Variants in MYT1L observed in about 807,000 individuals in gnomAD.
MYT1L encodes the protein myelin transcription factor 1 like.
In MYT1L, 12 loss-of-function variants were observed where a neutral mutation model predicts 126.7. That is an observed-to-expected ratio of 0.09 (90% CI 0.06 to 0.15). The LOEUF (loss-of-function observed/expected upper bound fraction) is 0.15. Among genes scored for constraint, MYT1L ranks in the 10% least tolerant of loss-of-function variants. The probability of loss-of-function intolerance (pLI) is 1.00; values close to 1 mark genes in which losing one functional copy is unlikely to be tolerated. For synonymous variants in MYT1L, 541 were observed against 604.2 expected, an observed-to-expected ratio of 0.90 and a Z score of 1.53; for missense variants, 979 against 1,585.2, an observed-to-expected ratio of 0.62 and a Z score of 6.49.
intron 1 of MYT1L, among the ~76,000 whole-genome samples, chr2:2,296,612 G>T (rs2095697944): frequency 6.6e-6 from 1 of 152,028 alleles, no homozygotes; most frequent in African/African-American, 2.4e-5. Flanking sequence ...GAAGAGAGAG[G>T]GGGAGTGAGA....
intron 1 of MYT1L, among the ~76,000 whole-genome samples, chr2:2,310,233 A>G (rs745981020): frequency 1.3e-5 from 2 of 151,960 alleles, no homozygotes; most frequent in Non-Finnish European, 2.9e-5. Flanking sequence ...GTTACATTTC[A>G]GCATACTCTA....
At chr2:2,176,583 C>T (rs993478053) in intron 2 of MYT1L, among the ~76,000 whole-genome samples, 1 of 151,664 alleles carries the variant, frequency 6.6e-6, no homozygotes, top group Non-Finnish European at 1.5e-5. Context: ...ACTGCAAGCT[C>T]CACCTCCTGT....
At chr2:2,289,275 A>C (rs1231618125) in intron 1 of MYT1L, among the ~76,000 whole-genome samples, 1 of 152,104 alleles carries the variant, frequency 6.6e-6, no homozygotes, top group Non-Finnish European at 1.5e-5. Flanking sequence ...GTTGGCCAAA[A>C]AGCTTTCTTT....
intron 4 of MYT1L, among the ~76,000 whole-genome samples, chr2:2,032,524 T>G (rs1313112677): frequency 2.1e-5 from 3 of 142,592 alleles, no homozygotes; most frequent in African/African-American, 7.9e-5. Context: ...GAGAAGATTC[T>G]AGAAGGAGGG....
At chr2:2,155,604 T>C (rs1415921760) in intron 3 of MYT1L, among the ~76,000 whole-genome samples, 1 of 152,154 alleles carries the variant, frequency 6.6e-6, no homozygotes, top group East Asian at 1.9e-4. Context: ...TTTAAAACCC[T>C]CAATCTCCCC....
intron 23 of MYT1L, among the ~76,000 whole-genome samples, chr2:1,796,452 A>C (rs2033525683): frequency 6.6e-6 from 1 of 152,186 alleles, no homozygotes; most frequent in Non-Finnish European, 1.5e-5. Flanking sequence ...CAGGGAGAAC[A>C]GCCATCTTCT....
At chr2:2,018,729 G>T (rs1333483881) in intron 4 of MYT1L, among the ~76,000 whole-genome samples, 6 of 152,190 alleles carry the variant, frequency 3.9e-5, no homozygotes, top group Non-Finnish European at 8.8e-5. Context: ...TTGGTCAATG[G>T]ATTCTCCTGT....
At chr2:2,298,884 C>T (rs1347793457) in intron 1 of MYT1L, among the ~76,000 whole-genome samples, 3 of 152,084 alleles carry the variant, frequency 2.0e-5, no homozygotes, top group South Asian at 2.1e-4. Flanking sequence ...GACAGTGTCT[C>T]GCTGTGTCCC....
intron 2 of MYT1L, among the ~76,000 whole-genome samples, chr2:2,190,371 C>G (rs2092512859): frequency 6.6e-6 from 1 of 151,930 alleles, no homozygotes. Context: ...AGGAGGATCA[C>G]TTGAGCCTGG....
Position 1,797,838 on chromosome 2 carries a change from TCCTGCATCCGGCACAGGCGCGGCGGTCTC to T in MYT1L, c.3276+3829_3276+3857del, listed in dbSNP as rs1388048557. ...CGCAGAGAGTGGCAGGAGAGGCCTT[TCCTGCATCCGGCACAGGCGCGGCGGTCTC>T]CCCCCATCCGGCACAGGCGCGGCGG... On this transcript the variant is annotated intron_variant, in intron 23 of 24. Coordinates refer to ENST00000647738, the MANE Select transcript of MYT1L (RefSeq NM_001303052.2). Among the ~76,000 whole-genome samples the T allele has an allele frequency of 2.0e-5, 3 of 151,468 alleles. No individual in the cohort carries two copies. The East Asian group carries it at 5.9e-4, about 30-fold the overall frequency.
chr2:1,830,242 G>C (rs531234486), intron 21 of MYT1L, among the ~76,000 whole-genome samples: 1 of 152,284 alleles, frequency 6.6e-6, no homozygotes, highest in African/African-American at 2.4e-5. Context: ...CTGAGCCCTG[G>C]CTCCGTCACT....
chr2:2,319,953 C>T (rs187988458), intron 1 of MYT1L, among the ~76,000 whole-genome samples: 132 of 152,130 alleles, frequency 8.7e-4, no homozygotes, highest in African/African-American at 3.0e-3. Flanking sequence ...TAAGGGGTCT[C>T]GCCTTTTCTC....
At chr2:2,013,048 C>G (rs2063992840) in intron 4 of MYT1L, among the ~76,000 whole-genome samples, 1 of 152,160 alleles carries the variant, frequency 6.6e-6, no homozygotes, top group African/African-American at 2.4e-5. Flanking sequence ...CACGGGGGGT[C>G]TTGGAATGTA....
rs754146807 is a variant in MYT1L at position 1,889,512 on chromosome 2, C to T, written c.2284-35G>A. 1.1e-5 allele frequency: 17 copies of T among 1,525,588 alleles called. No homozygotes were observed. The South Asian group carries it at 2.1e-4, about 19-fold the overall frequency. The allele number at this position is 1,525,588 out of a possible 1,614,324, so 94.5% of individuals were successfully genotyped here. Reference sequence around the variant, plus strand: ...GAAAGACATAGTGACTGTGCTTGGCCCGGCATCTTGTGACACCACGAGTCC... The same window carrying T: ...GAAAGACATAGTGACTGTGCTTGGCTCGGCATCTTGTGACACCACGAGTCC... On this transcript the variant is annotated intron_variant, in intron 15 of 24. Transcript: ENST00000647738. This position sits in a 1 kb window ranked among gnomAD's most constrained non-coding sequence, Gnocchi z 4.1.
At chr2:1,957,989 C>T (rs920839003) in intron 8 of MYT1L, among the ~76,000 whole-genome samples, 1 of 152,216 alleles carries the variant, frequency 6.6e-6, no homozygotes, top group African/African-American at 2.4e-5. Flanking sequence ...TCTGATAAGG[C>T]AGAGGGAAGC....
In MYT1L at chr2:2,064,928, C is replaced by A. The variant is rs576945594; in HGVS notation, c.-303-10805G>T. Among the ~76,000 whole-genome samples the A allele has an allele frequency of 1.5e-3, 233 of 152,166 alleles. 1 individual carries two copies. Among genetic ancestry groups the A allele is most frequent in the African/African-American group, 5.2e-3 (217 of 41,560 alleles). On this transcript the variant is annotated intron_variant, in intron 3 of 24. Transcript: ENST00000647738. Reference sequence around the variant, plus strand: ...GAGTGTATGACCAGGTACAGTGACTCTTGTGCCTGCCTGAAATCCCAGCAC... The same window carrying A: ...GAGTGTATGACCAGGTACAGTGACTATTGTGCCTGCCTGAAATCCCAGCAC...
intron 13 of MYT1L, among the ~76,000 whole-genome samples, chr2:1,904,637 C>T (rs189273613): frequency 2.6e-5 from 4 of 151,848 alleles, no homozygotes; most frequent in African/African-American, 7.2e-5. Flanking sequence ...TCCCAAAGTC[C>T]TGGGATTATA....
At chr2:2,002,326 C>G (rs1389019866) in intron 4 of MYT1L, among the ~76,000 whole-genome samples, 1 of 152,224 alleles carries the variant, frequency 6.6e-6, no homozygotes, top group Non-Finnish European at 1.5e-5. Flanking sequence ...CCCAATACCT[C>G]ATCACCACTT....
intron 8 of MYT1L, among the ~76,000 whole-genome samples, chr2:1,953,807 C>T (rs866867338): frequency 6.6e-6 from 1 of 152,224 alleles, no homozygotes; most frequent in Non-Finnish European, 1.5e-5. Flanking sequence ...TCTGCCAAAA[C>T]AGAACTCACC....
Sources: allele counts gnomAD v4.1 joint callset (sites outside exome capture counted in the v4.1 genomes callset), GRCh38; gene constraint gnomAD v4.1.1; non-coding constraint Gnocchi (gnomAD v3.1); transcripts MANE v1.5; gene names NCBI Gene and HGNC (gene_info 2026-07-23, HGNC 2026-07-21).